TFCP2L1: variants seen among roughly 807,000 people sequenced by gnomAD.
TFCP2L1 encodes transcription factor CP2-like protein 1.
A neutral mutation model predicts 72.2 loss-of-function variants in TFCP2L1; 12 were observed. That is an observed-to-expected ratio of 0.17 (90% CI 0.11 to 0.27). The LOEUF is 0.27. Among genes scored for constraint, TFCP2L1 ranks in the 10% least tolerant of loss-of-function variants. TFCP2L1 has a pLI of 1.00. For missense variants in TFCP2L1, 488 were observed against 624.6 expected, an observed-to-expected ratio of 0.78 and a Z score of 2.33; for synonymous variants, 260 against 251.0, an observed-to-expected ratio of 1.04 and a Z score of -0.34.
chr2:121,230,691 T>G (rs1256262694), intron 13 of TFCP2L1, among the ~76,000 whole-genome samples: 1 of 152,124 alleles, frequency 6.6e-6, no homozygotes, highest in Non-Finnish European at 1.5e-5. Context: ...GAGGATGGCC[T>G]GAGCCTGGGA....
intron 2 of TFCP2L1, among the ~76,000 whole-genome samples, chr2:121,257,746 T>G (rs987316365): frequency 6.6e-6 from 1 of 152,234 alleles, no homozygotes; most frequent in African/African-American, 2.4e-5. Flanking sequence ...CACACAGGAA[T>G]GAATGGGCAG....
rs1402280671 is a variant in TFCP2L1, at chr2:121,220,098, T to C, written c.*4243A>G. On this transcript the variant is annotated 3_prime_UTR_variant, in exon 15 of 15. Transcript: ENST00000263707. ...CAACAGCCTAAGAGGCTTTTCCGTT[T>C]ATTTCATCGACTTGTTAATGATTTT... 1 of 152,056 alleles carries C rather than the reference T, an allele frequency of 6.6e-6. No homozygotes were observed. The highest frequency in any genetic ancestry group is 1.5e-5 in the Non-Finnish European group (1 of 68,022). 9.4% of individuals were successfully genotyped at this position (152,056 alleles called of 1,614,324 possible).
chr2:121,249,433 C>G (rs374561260), intron 3 of TFCP2L1, 138 bp downstream of exon 3: 172 of 742,606 alleles, frequency 2.3e-4, no homozygotes, highest in South Asian at 9.3e-4. Context: ...GGGGCTGCGT[C>G]TCACCGTTGA....
rs561378120 is a variant in TFCP2L1, at chr2:121,272,528, C to CA, written c.214+8591dup. Reference sequence around the variant, plus strand: ...AACGGAAAAGTGAAGCAAGCCTTCCCAAAGCTACCACCGTTTAACTCTAAG... The same window carrying CA: ...AACGGAAAAGTGAAGCAAGCCTTCCCAAAAGCTACCACCGTTTAACTCTAAG... On this transcript the variant is annotated intron_variant, in intron 2 of 14. Transcript: ENST00000263707. 8.5e-5 allele frequency among the ~76,000 whole-genome samples: 13 copies of CA among 152,244 alleles called. 1 individual carries two copies. The South Asian group carries it at 2.7e-3, about 32-fold the overall frequency.
chr2:121,266,236 A>T (rs1247240492), intron 2 of TFCP2L1, among the ~76,000 whole-genome samples: 1 of 150,734 alleles, frequency 6.6e-6, no homozygotes, highest in Non-Finnish European at 1.5e-5. Flanking sequence ...ATCCCATTTC[A>T]CTAACAGCAA....
chr2:121,239,521 A>G (rs1301103760), intron 8 of TFCP2L1, 37 bp downstream of exon 8: 6 of 1,608,242 alleles, frequency 3.7e-6, no homozygotes, highest in Non-Finnish European at 5.1e-6. Flanking sequence ...ACCTGCCTTC[A>G]TTTCAGGGAA....
At chr2:121,256,162 G>A (rs2104719713) in intron 2 of TFCP2L1, among the ~76,000 whole-genome samples, 1 of 152,254 alleles carries the variant, frequency 6.6e-6, no homozygotes, top group Admixed American at 6.5e-5. Flanking sequence ...AACCAAGATG[G>A]ACCTAGAACT....
intron 2 of TFCP2L1, among the ~76,000 whole-genome samples, chr2:121,276,646 AAAAG>A (rs1167045489): frequency 8.6e-5 from 13 of 152,032 alleles, no homozygotes; most frequent in South Asian, 8.3e-4. Flanking sequence ...AAAAAAAAAA[AAAAG>A]AAAGCCAACA....
intron 11 of TFCP2L1, among the ~76,000 whole-genome samples, chr2:121,234,764 A>C (rs1030303515): frequency 2.6e-5 from 4 of 152,272 alleles, no homozygotes; most frequent in Non-Finnish European, 5.9e-5. Flanking sequence ...GCACGGCTGC[A>C]GAACGTCTCT....
chr2:121,236,888 C>T (rs13414495), intron 10 of TFCP2L1, among the ~76,000 whole-genome samples: 2,759 of 152,244 alleles, frequency 0.018, 102 homozygotes, highest in African/African-American at 0.063. Context: ...CACGCTGCAC[C>T]GAAATGAGTG....
At chr2:121,279,427 T>C (rs999428334) in intron 2 of TFCP2L1, among the ~76,000 whole-genome samples, 2 of 152,182 alleles carry the variant, frequency 1.3e-5, no homozygotes, top group Non-Finnish European at 2.9e-5. Context: ...TCTCCGGGCC[T>C]GAGCAGGAAG....
In TFCP2L1 at chr2:121,249,043, C is replaced by T. The variant is rs150968715; in HGVS notation, c.336G>A (p.Thr112=). The T allele has an allele frequency of 3.3e-5, 53 of 1,603,416 alleles. No individual in the cohort carries two copies. The highest frequency in any genetic ancestry group is 3.7e-5 in the Non-Finnish European group (44 of 1,175,128). The change falls in exon 4 of 15, where the codon ACG becomes ACA. Residue 112 remains threonine, a synonymous_variant. Transcript: ENST00000263707. ...VVFHDRRLQY[T]EHQQLEGWRW... is the part of the protein sequence containing the mutation. ...GCCAGCCCTCCAGCTGCTGGTGCTC[C>T]GTATACTGCAGCCGGCGGTCATGGA... is the stretch of plus-strand genomic sequence containing the variant.
intron 7 of TFCP2L1, chr2:121,239,987 C>G (rs1016797839): frequency 6.2e-6 from 6 of 960,604 alleles, no homozygotes; most frequent in Non-Finnish European, 7.4e-6. Flanking sequence ...GCCAGTTGTT[C>G]ACAAACAGCT....
intron 4 of TFCP2L1, 132 bp from the exon 5 acceptor site, chr2:121,248,402 AT>A (rs1196396131): frequency 1.5e-6 from 1 of 685,282 alleles, no homozygotes; most frequent in Admixed American, 2.9e-5. Context: ...AAAGTTTTGC[AT>A]AACTTACTGG....
chr2:121,276,106 G>A (rs1409512863), intron 2 of TFCP2L1, among the ~76,000 whole-genome samples: 1 of 152,116 alleles, frequency 6.6e-6, no homozygotes, highest in Non-Finnish European at 1.5e-5. Context: ...TGAGATACAT[G>A]TGCAGAACGT....
chr2:121,238,817 G>A (rs368027105), intron 8 of TFCP2L1, among the ~76,000 whole-genome samples: 7 of 152,008 alleles, frequency 4.6e-5, no homozygotes, highest in East Asian at 1.9e-4. Context: ...GTCTACCCCC[G>A]CTTCCCTGGG....
intron 2 of TFCP2L1, among the ~76,000 whole-genome samples, chr2:121,276,346 G>A (rs1284615918): frequency 6.7e-6 from 1 of 150,008 alleles, no homozygotes; most frequent in East Asian, 2.0e-4. Flanking sequence ...TTAGTTTGCT[G>A]AGAATGATGG....
At chr2:121,253,574 C>T (rs1573379329) in intron 2 of TFCP2L1, among the ~76,000 whole-genome samples, 3 of 152,300 alleles carry the variant, frequency 2.0e-5, no homozygotes, top group Admixed American at 6.5e-5. Context: ...AGTGAGTTTA[C>T]GGGTGCCACA....
intron 2 of TFCP2L1, among the ~76,000 whole-genome samples, chr2:121,271,201 A>T (rs748344603): frequency 8.3e-5 from 6 of 72,548 alleles, no homozygotes; most frequent in African/African-American, 1.5e-4. Context: ...AAATAAAAAT[A>T]AAAAAAAAAA....
Sources: gnomAD v4.1 joint callset for allele counts (sites outside exome capture counted in the v4.1 genomes callset) on GRCh38, gnomAD v4.1.1 for gene constraint, MANE v1.5 for transcripts, NCBI Gene and HGNC (gene_info 2026-07-23, HGNC 2026-07-21) for gene names.